Variants in PRKG1 observed in about 807,000 individuals in gnomAD.
PRKG1 encodes protein kinase cGMP-dependent 1.
In PRKG1, 35 loss-of-function variants were observed where a neutral mutation model predicts 88.1. That is an observed-to-expected ratio of 0.40 (90% CI 0.30 to 0.53). The LOEUF (loss-of-function observed/expected upper bound fraction) is 0.53, where lower values mean the gene tolerates loss of function less well. PRKG1 is among the 20% of genes least tolerant of loss of function. The pLI is 0.59. For synonymous variants in PRKG1, 303 were observed against 292.5 expected (o/e 1.04, Z -0.37); for missense variants, 540 against 839.8 (o/e 0.64, Z 4.41).
Position 52,031,273 on chromosome 10 carries a change from CCT to C in PRKG1, c.763-23208_763-23207del, listed in dbSNP as rs373588330. The stretch of plus-strand genomic sequence containing the variant: ...GCATATGTAGCACCTGTAAGAAACA[CCT>C]CTGTTTTCCATCTCAAGCTTTCAGG... On this transcript the variant is annotated intron_variant, in intron 5 of 17. Transcript: ENST00000373980. Among the ~76,000 whole-genome samples, 10 of 152,276 alleles carry C rather than the reference CCT, an allele frequency of 6.6e-5. No homozygotes were observed. In the South Asian group the frequency reaches 2.1e-3, roughly 32 times the overall value.
intron 5 of PRKG1, among the ~76,000 whole-genome samples, chr10:52,020,132 T>C (rs1845145670): frequency 6.6e-6 from 1 of 152,060 alleles, no homozygotes; most frequent in Non-Finnish European, 1.5e-5. Context: ...TAAAATTTAC[T>C]CATTAGAGTC....
intron 2 of PRKG1, among the ~76,000 whole-genome samples, chr10:51,257,953 T>A (rs945611176): frequency 6.6e-6 from 1 of 152,096 alleles, no homozygotes; most frequent in African/African-American, 2.4e-5. Flanking sequence ...AAATTTAATA[T>A]ATGTCCCCTA....
At chr10:51,507,933 T>C (rs1841274805) in intron 3 of PRKG1, among the ~76,000 whole-genome samples, 2 of 151,984 alleles carry the variant, frequency 1.3e-5, no homozygotes, top group African/African-American at 2.4e-5. Flanking sequence ...CAGTTAAACA[T>C]GTGTAATTTT....
intron 2 of PRKG1, 85 bp downstream of exon 2, chr10:51,153,415 G>T: frequency 1.6e-6 from 2 of 1,273,760 alleles, no homozygotes; most frequent in Non-Finnish European, 2.1e-6. Flanking sequence ...TGCATTACAT[G>T]GAAAATTCCA....
intron 3 of PRKG1, among the ~76,000 whole-genome samples, chr10:51,468,530 A>T (rs1839966516): frequency 1.3e-5 from 2 of 151,824 alleles, no homozygotes; most frequent in African/African-American, 4.8e-5. Flanking sequence ...TTTTAAAAAA[A>T]ATCTGCTTCC....
rs182082355 is a variant in PRKG1, at chr10:51,444,727, T to C, written c.479-22996T>C. 1.1e-3 allele frequency among the ~76,000 whole-genome samples: 160 copies of C among 152,046 alleles called. 1 individual carries two copies. The highest frequency in any genetic ancestry group is 2.3e-3 in the East Asian group (12 of 5,156). ...AGCTGCTGGTAGGCATGAAGTGTATTTTCTCCCAAAGTCATGCTTCTATAA... is the reference window on the plus strand; with the variant it reads ...AGCTGCTGGTAGGCATGAAGTGTATCTTCTCCCAAAGTCATGCTTCTATAA... On this transcript the variant is annotated intron_variant, in intron 2 of 17. Coordinates refer to ENST00000373980, the MANE Select transcript of PRKG1 (RefSeq NM_006258.4).
chr10:51,153,702 A>G (rs1016221399), intron 2 of PRKG1, among the ~76,000 whole-genome samples: 1 of 151,814 alleles, frequency 6.6e-6, no homozygotes, highest in African/African-American at 2.4e-5. Flanking sequence ...AGCATCTTCA[A>G]CTCTCCCCTT....
intron 2 of PRKG1, among the ~76,000 whole-genome samples, chr10:51,177,938 T>C (rs527447350): frequency 6.6e-5 from 10 of 152,216 alleles, no homozygotes; most frequent in Admixed American, 5.9e-4. Flanking sequence ...AAAAATTTAC[T>C]GTGTAAGAAA....
At chr10:51,871,052 C>T (rs1841145102) in intron 4 of PRKG1, among the ~76,000 whole-genome samples, 1 of 152,156 alleles carries the variant, frequency 6.6e-6, no homozygotes, top group African/African-American at 2.4e-5. Flanking sequence ...TATACAACAA[C>T]TGGTCTTCTA....
chr10:51,404,626 C>T (rs2132674183), intron 2 of PRKG1, among the ~76,000 whole-genome samples: 1 of 152,318 alleles, frequency 6.6e-6, no homozygotes, highest in East Asian at 1.9e-4. Flanking sequence ...CCTATGTGTC[C>T]TGAGAGCTTG....
chr10:51,363,453 A>C (rs1218769041), intron 2 of PRKG1, among the ~76,000 whole-genome samples: 1 of 151,952 alleles, frequency 6.6e-6, no homozygotes, highest in Non-Finnish European at 1.5e-5. Flanking sequence ...TCAAATATAG[A>C]GAGAAGGAAA....
intron 5 of PRKG1, among the ~76,000 whole-genome samples, chr10:52,036,161 T>C (rs1165227969): frequency 1.3e-5 from 2 of 152,016 alleles, no homozygotes; most frequent in Non-Finnish European, 2.9e-5. Context: ...GGTAACTTGC[T>C]GAGCTTGATG....
intron 5 of PRKG1, among the ~76,000 whole-genome samples, chr10:51,976,744 G>T (rs1843844524): frequency 6.6e-6 from 1 of 151,850 alleles, no homozygotes; most frequent in Admixed American, 6.6e-5. Context: ...AGTTTAAAAG[G>T]CTGAATTTTA....
At chr10:51,279,749 T>C (rs1053822261) in intron 2 of PRKG1, among the ~76,000 whole-genome samples, 10 of 152,176 alleles carry the variant, frequency 6.6e-5, no homozygotes, top group Admixed American at 5.2e-4. Flanking sequence ...CATCCCTTTA[T>C]TTTGAGCCTA....
At chr10:51,781,158 T>G (rs1176387823) in intron 3 of PRKG1, among the ~76,000 whole-genome samples, 4 of 152,258 alleles carry the variant, frequency 2.6e-5, no homozygotes, top group South Asian at 4.1e-4. Flanking sequence ...TGATATAATT[T>G]TCTTTTATTT....
chr10:51,808,504 G>C (rs1047735062), intron 4 of PRKG1, among the ~76,000 whole-genome samples: 2 of 152,144 alleles, frequency 1.3e-5, no homozygotes, highest in East Asian at 3.9e-4. Context: ...TCAGGAGGCT[G>C]ACGGGGGAGG....
intron 1 of PRKG1, among the ~76,000 whole-genome samples, chr10:51,026,464 G>A (rs1020744044): frequency 1.3e-5 from 2 of 152,116 alleles, no homozygotes; most frequent in African/African-American, 4.8e-5. Flanking sequence ...CCCTTCACAA[G>A]TCCTGCCTGG....
At position 51,325,478 on chromosome 10, in the gene PRKG1, C is replaced by T. The variant is rs186822085; in HGVS notation, c.479-142245C>T. On this transcript the variant is annotated intron_variant, in intron 2 of 17. Coordinates refer to ENST00000373980, the MANE Select transcript of PRKG1 (RefSeq NM_006258.4). Reference sequence around the variant, plus strand: ...TCTCCCAAAGTGTTGGGATTACAGGCGTTAGCCACCGTGCCTGGCTCTTCA... The same window carrying T: ...TCTCCCAAAGTGTTGGGATTACAGGTGTTAGCCACCGTGCCTGGCTCTTCA... 3.3e-5 allele frequency among the ~76,000 whole-genome samples: 5 copies of T among 152,290 alleles called. No individual in the cohort carries two copies. The East Asian group carries it at 7.7e-4, about 24-fold the overall frequency.
intron 2 of PRKG1, among the ~76,000 whole-genome samples, chr10:51,259,150 GTT>G: frequency 6.6e-6 from 1 of 152,158 alleles, no homozygotes; most frequent in Admixed American, 6.5e-5. Flanking sequence ...ACATGGGTGT[GTT>G]TCTATATATG....
Sources: allele counts gnomAD v4.1 joint callset (sites outside exome capture counted in the v4.1 genomes callset), GRCh38; gene constraint gnomAD v4.1.1; transcripts MANE v1.5; gene names NCBI Gene and HGNC (gene_info 2026-07-23, HGNC 2026-07-21).